Variants in RUVBL1 observed in about 807,000 individuals in gnomAD.
RUVBL1 encodes the protein RuvB like AAA ATPase 1.
A neutral mutation model predicts 52.4 loss-of-function variants in RUVBL1; 4 were observed. The ratio of observed to expected loss-of-function variants is 0.08; its 90% CI spans 0.04 to 0.17. The LOEUF (loss-of-function observed/expected upper bound fraction) is 0.17. RUVBL1 is among the 10% of genes least tolerant of loss of function. RUVBL1 has a pLI of 1.00. For missense variants in RUVBL1, 298 were observed against 572.8 expected (o/e 0.52, Z 4.90); for synonymous variants, 217 against 214.4 (o/e 1.01, Z -0.10).
At chr3:128,138,845 A>G (rs1028915266) in intron 1 of RUVBL1, among the ~76,000 whole-genome samples, 1 of 152,146 alleles carries the variant, frequency 6.6e-6, no homozygotes, top group African/African-American at 2.4e-5. Context: ...TCTGGCATTA[A>G]AAACAAAAAC....
At chr3:128,125,774 C>A (rs1460844414), upstream of RUVBL1, among the ~76,000 whole-genome samples, 1 of 152,220 alleles carries the variant, frequency 6.6e-6, no homozygotes, top group Admixed American at 6.5e-5. Context: ...CAGCACCCCA[C>A]AAAGTTGCTT....
At position 128,112,978 on chromosome 3, in the gene RUVBL1, C is replaced by T; in HGVS notation, c.271G>A (p.Val91Ile). Residue 91 changes from valine (V) to isoleucine (I), a missense_variant, in exon 3 of 11, where the codon GTC becomes ATC. Physicochemically the swap from Val to Ile is conservative, Grantham distance 29. Around this residue, in one of 5 missense-constraint regions of RUVBL1, gnomAD observed 71 missense variants for 125.7 expected, o/e 0.57. Coordinates refer to ENST00000322623, the MANE Select transcript of RUVBL1 (RefSeq NM_003707.3). ...CTCCCCACCATTGGGCAGAAGGGGA[C>T]CTTACTACCCAGCTCCTGAGCAATA... The part of the protein sequence containing the change: ...LAIAQELGSK[V>I]PFCPMVGSEV... 1 of 1,614,176 alleles carries T rather than the reference C, an allele frequency of 6.2e-7. No individual in the cohort carries two copies. Among genetic ancestry groups the T allele is most frequent in the South Asian group, 1.1e-5 (1 of 91,074 alleles).
intron 1 of RUVBL1, among the ~76,000 whole-genome samples, chr3:128,143,128 A>T (rs565541151): frequency 1.4e-5 from 2 of 147,184 alleles, no homozygotes; most frequent in South Asian, 2.2e-4. Context: ...CACCAGGCCC[A>T]CCCTGATACT....
chr3:128,123,847 T>C (rs1943721750), upstream of RUVBL1: 7 of 1,352,874 alleles, frequency 5.2e-6, no homozygotes, highest in Non-Finnish European at 6.7e-6. Context: ...AGACCGGCTT[T>C]CCATTGGTGG....
At chr3:128,078,539 G>A (rs531488157), downstream of RUVBL1, among the ~76,000 whole-genome samples, 2 of 152,278 alleles carry the variant, frequency 1.3e-5, no homozygotes, top group African/African-American at 4.8e-5. Flanking sequence ...CAGCTCCCTG[G>A]GTGGCACCCA....
chr3:128,128,274 C>T (rs1436119775), upstream of RUVBL1, among the ~76,000 whole-genome samples: 1 of 152,216 alleles, frequency 6.6e-6, no homozygotes, highest in Non-Finnish European at 1.5e-5. Context: ...AGGCATTAGC[C>T]ATAGCACCCA....
chr3:128,073,991 A>G (rs899371179), intron 9 of RUVBL1, among the ~76,000 whole-genome samples: 2 of 151,742 alleles, frequency 1.3e-5, no homozygotes, highest in African/African-American at 4.8e-5. Flanking sequence ...GTATGCTACC[A>G]TTTGTGTTTA....
At chr3:128,099,770 C>T (rs1943071963) in intron 6 of RUVBL1, among the ~76,000 whole-genome samples, 1 of 152,156 alleles carries the variant, frequency 6.6e-6, no homozygotes, top group South Asian at 2.1e-4. Flanking sequence ...ACTGCCTTGC[C>T]AAGTAGGAGG....
chr3:128,153,323 G>A lies in RUVBL1; in HGVS notation c.-160C>T, dbSNP rs1576499110. On this transcript the variant is annotated 5_prime_UTR_variant, in exon 1 of 10. Coordinates refer to the RUVBL1 transcript ENST00000464873. ...TGCCTACGGTGACCTCCAGTTCCTA[G>A]ACCACCCACTCGGAGCACGGCGCTC... The A allele has an allele frequency of 4.4e-6, 6 of 1,372,034 alleles. No individual in the cohort carries two copies. The East Asian group carries it at 1.5e-4, about 35-fold the overall frequency. 85.0% of individuals were successfully genotyped at this position (1,372,034 alleles called of 1,614,324 possible).
At chr3:128,098,512 C>T (rs1161152409) in intron 7 of RUVBL1, among the ~76,000 whole-genome samples, 2 of 152,174 alleles carry the variant, frequency 1.3e-5, no homozygotes, top group Non-Finnish European at 2.9e-5. Flanking sequence ...GAAGTGCCCA[C>T]AAACTGGGCA....
chr3:128,100,450 T>C (rs1943085562), intron 6 of RUVBL1, 145 bp downstream of exon 6: 4 of 877,414 alleles, frequency 4.6e-6, no homozygotes, highest in Non-Finnish European at 6.7e-6. Flanking sequence ...TCGTAGCTCA[T>C]GTCGATGTTA....
intron 6 of RUVBL1, among the ~76,000 whole-genome samples, chr3:128,099,171 C>T (rs1230891831): frequency 2.0e-5 from 3 of 152,194 alleles, no homozygotes; most frequent in African/African-American, 7.2e-5. Flanking sequence ...GGGGCCTGCC[C>T]AGCCTCCTTT....
At chr3:128,119,483 C>A in intron 1 of RUVBL1, 69 bp from the exon 2 acceptor site, 1 of 1,286,788 alleles carries the variant, frequency 7.8e-7, no homozygotes, top group Non-Finnish European at 1.1e-6. Context: ...AAATCTCAGT[C>A]CCTGGCCTAC....
chr3:128,146,735 C>T (rs558258618), intron 1 of RUVBL1, among the ~76,000 whole-genome samples: 3 of 150,384 alleles, frequency 2.0e-5, no homozygotes, highest in South Asian at 2.1e-4. Flanking sequence ...ATCTGCCTGC[C>T]GCTGTGTGCA....
rs1338797411 is a variant in RUVBL1 at position 128,087,808 on chromosome 3, T to C, written c.1017A>G (p.Arg339=). The change falls in exon 9 of 11, where the codon AGA becomes AGG. Residue 339 remains arginine (R), a splice_region_variant and synonymous_variant. Coordinates refer to ENST00000322623, the MANE Select transcript of RUVBL1 (RefSeq NM_003707.3). Reference sequence around the variant, plus strand: ...GAGGGGATGTGATGTCCTCAGTGCCTCTGTAAGGGGCAAAATTAATCCCAT... The same window carrying C: ...GAGGGGATGTGATGTCCTCAGTGCCCCTGTAAGGGGCAAAATTAATCCCAT... The part of the protein sequence containing the change: ...FASNRGNCVI[R]GTEDITSPHG... 7.5e-6 allele frequency: 12 copies of C among 1,608,152 alleles called. No homozygotes were observed. The highest frequency in any genetic ancestry group is 6.7e-5 in the Admixed American group (4 of 59,982).
intron 8 of RUVBL1, among the ~76,000 whole-genome samples, chr3:128,095,113 T>C (rs190232395): frequency 1.3e-5 from 2 of 152,212 alleles, no homozygotes; most frequent in Admixed American, 6.5e-5. Context: ...TGGGGCCAAA[T>C]CTCCCGGGTC....
At position 128,073,037 on chromosome 3, in the gene RUVBL1, G is replaced by A. The variant is rs1259971482; in HGVS notation, c.940-7817C>T. Reference sequence around the variant, plus strand: ...AGGAAACAAGTCCGTCCATTTTACAGGTGAAGAAACTGAGGCCCAGGGAAA... The same window carrying A: ...AGGAAACAAGTCCGTCCATTTTACAAGTGAAGAAACTGAGGCCCAGGGAAA... On this transcript the variant is annotated intron_variant, in intron 9 of 9. Transcript: ENST00000464873. Among the ~76,000 whole-genome samples, 3 of 152,144 alleles carry A rather than the reference G, an allele frequency of 2.0e-5. No individual in the cohort carries two copies. The East Asian group carries it at 5.8e-4, about 29-fold the overall frequency.
chr3:128,089,544 T>C (rs1359488729), intron 8 of RUVBL1, among the ~76,000 whole-genome samples: 2 of 152,222 alleles, frequency 1.3e-5, no homozygotes, highest in Non-Finnish European at 2.9e-5. Context: ...AAAATTTAAC[T>C]TTAGTAAAAA....
intron 3 of RUVBL1, among the ~76,000 whole-genome samples, chr3:128,112,463 T>C (rs192212199): frequency 6.6e-6 from 1 of 152,304 alleles, no homozygotes; most frequent in Admixed American, 6.5e-5. Context: ...CTCAGTCTCC[T>C]CACTCTATGA....
Sources: allele counts gnomAD v4.1 joint callset (sites outside exome capture counted in the v4.1 genomes callset), GRCh38; gene constraint gnomAD v4.1.1; regional missense constraint gnomAD v4.1.1; transcripts MANE v1.5; gene names NCBI Gene and HGNC (gene_info 2026-07-23, HGNC 2026-07-21).